Variants in FSTL4 observed in about 807,000 individuals in gnomAD.
FSTL4 encodes follistatin like 4, also known as follistatin-related protein 4.
A neutral mutation model predicts 78.2 loss-of-function variants in FSTL4; 28 were observed. The ratio of observed to expected loss-of-function variants is 0.36; its 90% CI spans 0.27 to 0.49. The LOEUF (loss-of-function observed/expected upper bound fraction) is 0.49. FSTL4 is among the 20% of genes least tolerant of loss of function. The pLI, the probability that FSTL4 is intolerant of heterozygous loss-of-function variation, is 0.98. For missense variants in FSTL4, 922 were observed against 1,084.9 expected, an observed-to-expected ratio of 0.85 and a Z score of 2.11; for synonymous variants, 422 against 440.5, an observed-to-expected ratio of 0.96 and a Z score of 0.53.
the FSTL4 span, among the ~76,000 whole-genome samples, chr5:133,815,177 C>T: frequency 6.6e-6 from 1 of 152,232 alleles, no homozygotes; most frequent in Non-Finnish European, 1.5e-5. Context: ...GGTCAGGCTG[C>T]TCTTGGAGTC....
chr5:133,333,968 G>A (rs1754405456), intron 4 of FSTL4: 1 of 152,282 alleles, frequency 6.6e-6, no homozygotes, highest in East Asian at 1.9e-4. Flanking sequence ...TGACCTCTGA[G>A]GCATTGGAAG....
At chr5:133,735,423 C>T in the FSTL4 span, among the ~76,000 whole-genome samples, 1 of 152,152 alleles carries the variant, frequency 6.6e-6, no homozygotes. Flanking sequence ...GAGATCGTGC[C>T]ACTGCATTCC....
At chr5:133,794,097 C>T in the FSTL4 span, among the ~76,000 whole-genome samples, 1 of 152,300 alleles carries the variant, frequency 6.6e-6, no homozygotes, top group Non-Finnish European at 1.5e-5. Context: ...GAACATGGGG[C>T]TGCACCTCTG....
At chr5:133,604,934 C>T (rs1760946613) in intron 1 of FSTL4, among the ~76,000 whole-genome samples, 1 of 152,144 alleles carries the variant, frequency 6.6e-6, no homozygotes, top group Non-Finnish European at 1.5e-5. Context: ...TTACTGTATA[C>T]AGTCCTAAAA....
At chr5:133,769,848 C>T in the FSTL4 span, among the ~76,000 whole-genome samples, 2 of 152,044 alleles carry the variant, frequency 1.3e-5, no homozygotes, top group African/African-American at 4.8e-5. Context: ...TCCCTCAATC[C>T]CCTCCCAACT....
chr5:133,682,319 CT>C, the FSTL4 span, among the ~76,000 whole-genome samples: 1 of 152,218 alleles, frequency 6.6e-6, no homozygotes, highest in Non-Finnish European at 1.5e-5. Context: ...CCCAATCCCC[CT>C]AGTCTGTCCC....
At position 133,327,237 on chromosome 5, in the gene FSTL4, G is replaced by A. The variant is rs147286289; in HGVS notation, c.410-10585C>T. 9.1e-4 allele frequency among the ~76,000 whole-genome samples: 138 copies of A among 152,362 alleles called. 1 individual carries two copies. The highest frequency in any genetic ancestry group is 3.3e-3 in the African/African-American group (137 of 41,588). ...TAGCTGAGGAAACGCAACGGTATGG[G>A]AGAGCTGCTATAGATTCTCACCTCT... On this transcript the variant is annotated intron_variant, in intron 4 of 15. Coordinates refer to ENST00000265342, the MANE Select transcript of FSTL4 (RefSeq NM_015082.2).
the FSTL4 span, among the ~76,000 whole-genome samples, chr5:133,757,899 G>A: frequency 3.3e-4 from 51 of 152,308 alleles, no homozygotes; most frequent in South Asian, 2.1e-4. Flanking sequence ...CTTGACACGT[G>A]TGAAAGGCAG....
intron 6 of FSTL4, among the ~76,000 whole-genome samples, chr5:133,286,869 G>C (rs554457690): frequency 2.0e-5 from 3 of 152,172 alleles, no homozygotes; most frequent in Non-Finnish European, 4.4e-5. Context: ...GCTGCCCTCA[G>C]ACCACATCTC....
At chr5:133,353,911 C>T (rs1215899697) in intron 4 of FSTL4, among the ~76,000 whole-genome samples, 1 of 152,194 alleles carries the variant, frequency 6.6e-6, no homozygotes, top group Non-Finnish European at 1.5e-5. Flanking sequence ...GGGCAGTGCT[C>T]ATCCTGCTTG....
intron 4 of FSTL4, among the ~76,000 whole-genome samples, chr5:133,382,968 G>C (rs1755610144): frequency 6.6e-6 from 1 of 152,162 alleles, no homozygotes; most frequent in African/African-American, 2.4e-5. Flanking sequence ...AGGAGGAACA[G>C]AGCGTGCAAC....
the FSTL4 span, among the ~76,000 whole-genome samples, chr5:133,708,257 C>T: frequency 6.6e-6 from 1 of 152,042 alleles, no homozygotes; most frequent in Non-Finnish European, 1.5e-5. Flanking sequence ...GCCTCCTTCT[C>T]TCTAGAATGA....
Position 133,395,384 on chromosome 5 carries a change from T to C in FSTL4, c.409+5354A>G, listed in dbSNP as rs976748968. On this transcript the variant is annotated intron_variant, in intron 4 of 15. Coordinates refer to ENST00000265342, the MANE Select transcript of FSTL4 (RefSeq NM_015082.2). Reference sequence around the variant, plus strand: ...CCGCGAAGGTCCGCAGCTTCACTCCTGAAGCCAGCGAGACCACGAACCCAC... The same window carrying C: ...CCGCGAAGGTCCGCAGCTTCACTCCCGAAGCCAGCGAGACCACGAACCCAC... Among the ~76,000 whole-genome samples the C allele has an allele frequency of 3.7e-4, 57 of 152,138 alleles. 1 individual carries two copies. Among genetic ancestry groups the C allele is most frequent in the African/African-American group, 1.2e-3 (50 of 41,424 alleles).
chr5:133,413,590 G>C (rs1298377850), intron 3 of FSTL4, among the ~76,000 whole-genome samples: 1 of 152,000 alleles, frequency 6.6e-6, no homozygotes, highest in African/African-American at 2.4e-5. Context: ...ATCAGTTCTT[G>C]AACATCCTTA....
At chr5:133,647,636 T>C in the FSTL4 span, among the ~76,000 whole-genome samples, 1 of 152,202 alleles carries the variant, frequency 6.6e-6, no homozygotes, top group African/African-American at 2.4e-5. Context: ...GAAGGAAAGA[T>C]GCACACACAG....
chr5:133,401,711 G>A (rs1003478005), intron 3 of FSTL4, among the ~76,000 whole-genome samples: 12 of 152,212 alleles, frequency 7.9e-5, no homozygotes, highest in African/African-American at 2.9e-4. Context: ...AGATCATGGA[G>A]CGGGTGATGT....
At chr5:133,678,947 C>G in the FSTL4 span, among the ~76,000 whole-genome samples, 1 of 152,110 alleles carries the variant, frequency 6.6e-6, no homozygotes, top group African/African-American at 2.4e-5. Flanking sequence ...TCACGTTGTT[C>G]CACACCACAT....
At chr5:133,346,119 A>T (rs577879372) in intron 4 of FSTL4, among the ~76,000 whole-genome samples, 1 of 152,308 alleles carries the variant, frequency 6.6e-6, no homozygotes, top group East Asian at 1.9e-4. Flanking sequence ...GGAAACCATC[A>T]TTCTCAGCAA....
chr5:133,809,187 G>A, the FSTL4 span, among the ~76,000 whole-genome samples: 1 of 151,880 alleles, frequency 6.6e-6, no homozygotes, highest in Non-Finnish European at 1.5e-5. Context: ...CCAACATGGT[G>A]AAACCCCATC....
Sources: gnomAD v4.1 joint callset for allele counts (sites outside exome capture counted in the v4.1 genomes callset) on GRCh38, gnomAD v4.1.1 for gene constraint, MANE v1.5 for transcripts, NCBI Gene and HGNC (gene_info 2026-07-23, HGNC 2026-07-21) for gene names.